Variants in GRIN3A observed in about 807,000 individuals in gnomAD.
The protein encoded by GRIN3A is glutamate ionotropic receptor NMDA type subunit 3A, also known as glutamate receptor ionotropic, NMDA 3A.
A neutral mutation model predicts 92.4 loss-of-function variants in GRIN3A; 47 were observed. The ratio of observed to expected loss-of-function variants is 0.51; its 90% CI spans 0.40 to 0.65. The LOEUF is 0.65. Ranked by LOEUF, GRIN3A falls within the 30% of genes least tolerant of loss-of-function variation. The pLI is 0.00. For missense variants in GRIN3A, 1,324 were observed against 1,393.1 expected, an observed-to-expected ratio of 0.95 and a Z score of 0.79; for synonymous variants, 527 against 540.6, an observed-to-expected ratio of 0.97 and a Z score of 0.35.
At chr9:101,586,654 C>T (rs1459251633) in intron 6 of GRIN3A, among the ~76,000 whole-genome samples, 1 of 152,112 alleles carries the variant, frequency 6.6e-6, no homozygotes, top group African/African-American at 2.4e-5. Flanking sequence ...AAACTGAATG[C>T]AAAAATTTCA....
intron 3 of GRIN3A, among the ~76,000 whole-genome samples, chr9:101,657,527 A>C (rs1002701751): frequency 2.0e-5 from 3 of 151,972 alleles, no homozygotes; most frequent in Non-Finnish European, 4.4e-5. Flanking sequence ...AAGCATTAGC[A>C]GTGCTGAAGG....
intron 6 of GRIN3A, among the ~76,000 whole-genome samples, chr9:101,604,378 C>T (rs751298490): frequency 6.6e-6 from 1 of 152,164 alleles, no homozygotes; most frequent in Non-Finnish European, 1.5e-5. Context: ...TAATTTTACT[C>T]CATGTCATAA....
intron 4 of GRIN3A, among the ~76,000 whole-genome samples, chr9:101,625,779 A>G (rs1039692003): frequency 2.0e-5 from 3 of 152,168 alleles, no homozygotes; most frequent in African/African-American, 7.2e-5. Context: ...TGTTTCTCCA[A>G]TCAAAGTTCG....
chr9:101,641,636 G>A (rs972705582), intron 3 of GRIN3A, among the ~76,000 whole-genome samples: 1 of 151,868 alleles, frequency 6.6e-6, no homozygotes, highest in South Asian at 2.1e-4. Context: ...GTTGTGGGGT[G>A]GGGGGAGAGG....
chr9:101,714,473 G>A (rs1385278967), intron 1 of GRIN3A, among the ~76,000 whole-genome samples: 2 of 152,178 alleles, frequency 1.3e-5, no homozygotes, highest in Non-Finnish European at 2.9e-5. Context: ...AATAGTGAGA[G>A]AAAAGAGGGG....
At chr9:101,656,611 T>C (rs1376244248) in intron 3 of GRIN3A, among the ~76,000 whole-genome samples, 1 of 151,808 alleles carries the variant, frequency 6.6e-6, no homozygotes, top group East Asian at 1.9e-4. Flanking sequence ...CAGATTCTGG[T>C]TTAGTAGGTC....
intron 6 of GRIN3A, chr9:101,592,438 G>T (rs1454437966): frequency 6.6e-6 from 1 of 152,190 alleles, no homozygotes; most frequent in African/African-American, 2.4e-5. Context: ...TAACCCTGGG[G>T]TGGATCCTCT....
chr9:101,675,571 TATG>T (rs1442704862), intron 2 of GRIN3A, among the ~76,000 whole-genome samples: 9 of 151,954 alleles, frequency 5.9e-5, no homozygotes, highest in African/African-American at 2.2e-4. Context: ...GACCACAATC[TATG>T]CAGCTTATAT....
intron 3 of GRIN3A, among the ~76,000 whole-genome samples, chr9:101,662,335 G>A (rs1829181682): frequency 6.6e-6 from 1 of 151,754 alleles, no homozygotes. Context: ...ATTAAAATAT[G>A]AAGAGATTTT....
chr9:101,641,688 A>T (rs1273528062), intron 3 of GRIN3A, among the ~76,000 whole-genome samples: 1 of 151,950 alleles, frequency 6.6e-6, no homozygotes, highest in African/African-American at 2.4e-5. Flanking sequence ...CTAAATGACG[A>T]GTTAATGGGT....
chr9:101,692,525 G>T (rs1231002893), intron 1 of GRIN3A, among the ~76,000 whole-genome samples: 2 of 152,146 alleles, frequency 1.3e-5, no homozygotes, highest in Non-Finnish European at 2.9e-5. Context: ...TAAGAGAAGA[G>T]AAAAGATGCA....
chr9:101,674,590 T>C (rs1188110014), intron 2 of GRIN3A, among the ~76,000 whole-genome samples: 2 of 152,204 alleles, frequency 1.3e-5, no homozygotes, highest in East Asian at 3.9e-4. Flanking sequence ...TAGTATTTAG[T>C]TGAATATAAA....
At chr9:101,723,369 C>T (rs1383898574) in intron 1 of GRIN3A, among the ~76,000 whole-genome samples, 1 of 151,780 alleles carries the variant, frequency 6.6e-6, no homozygotes, top group African/African-American at 2.4e-5. Context: ...GTTCGTTCCT[C>T]CCGGTGGGCT....
In GRIN3A at chr9:101,668,599, T is replaced by A. The variant is rs188412604; in HGVS notation, c.2352+1461A>T. Among the ~76,000 whole-genome samples, 6 of 152,250 alleles carry A rather than the reference T, an allele frequency of 3.9e-5. No individual in the cohort carries two copies. In the East Asian group the frequency reaches 1.2e-3, roughly 30 times the overall value. ...TTTAGGGTGATGCATTTATTTATGC[T>A]AATGATTTTATTTGTGTTCACTGAA... is the stretch of plus-strand genomic sequence containing the variant. On this transcript the variant is annotated intron_variant, in intron 3 of 8. Transcript: ENST00000361820.
intron 2 of GRIN3A, 63 bp downstream of exon 2, chr9:101,686,532 AG>A: frequency 1.9e-6 from 3 of 1,570,924 alleles, no homozygotes; most frequent in Non-Finnish European, 2.6e-6. Flanking sequence ...GCGGACAGAT[AG>A]GGGAATTTTA....
At chr9:101,594,787 G>A (rs139403132) in intron 6 of GRIN3A, 41 of 1,613,474 alleles carry the variant, frequency 2.5e-5, no homozygotes, top group Non-Finnish European at 3.5e-5. Flanking sequence ...GCTCCGGCAG[G>A]GACATGAACT....
At chr9:101,728,700 T>C (rs139038213) in intron 1 of GRIN3A, among the ~76,000 whole-genome samples, 378 of 152,320 alleles carry the variant, frequency 2.5e-3, no homozygotes, top group African/African-American at 8.6e-3. Flanking sequence ...CTTGAAAGAA[T>C]AAAAAGCATT....
chr9:101,730,115 A>G (rs1296988210), intron 1 of GRIN3A, among the ~76,000 whole-genome samples: 1 of 152,120 alleles, frequency 6.6e-6, no homozygotes, highest in East Asian at 1.9e-4. Flanking sequence ...CCCTGAACCC[A>G]TATAAAGGAG....
At chr9:101,621,891 T>G (rs1828560941) in intron 5 of GRIN3A, among the ~76,000 whole-genome samples, 1 of 152,224 alleles carries the variant, frequency 6.6e-6, no homozygotes, top group Admixed American at 6.5e-5. Context: ...AGAAATAAAA[T>G]GTAACATCCC....
Sources: allele counts gnomAD v4.1 joint callset (sites outside exome capture counted in the v4.1 genomes callset), GRCh38; gene constraint gnomAD v4.1.1; transcripts MANE v1.5; gene names NCBI Gene and HGNC (gene_info 2026-07-23, HGNC 2026-07-21).